Variants in RPS3 observed in about 807,000 individuals in gnomAD.
RPS3 encodes the protein small ribosomal subunit protein uS3.
RPS3 carries 2 observed loss-of-function variants against 25.8 expected under a neutral mutation model. The observed-to-expected ratio is 0.08, with a 90% CI of 0.03 to 0.24. The LOEUF (loss-of-function observed/expected upper bound fraction) is 0.24. Ranked by LOEUF, RPS3 falls within the 10% of genes least tolerant of loss-of-function variation. The pLI, the probability that RPS3 is intolerant of heterozygous loss-of-function variation, is 1.00. For synonymous variants in RPS3, 114 were observed against 114.2 expected, an observed-to-expected ratio of 1.00 and a Z score of 0.01; for missense variants, 107 against 307.1, an observed-to-expected ratio of 0.35 and a Z score of 4.87.
At chr11:75,414,621 TTAAAA>T (rs1278972446) in intron 6 of RPS3, among the ~76,000 whole-genome samples, 7 of 150,588 alleles carry the variant, frequency 4.6e-5, no homozygotes, top group Admixed American at 6.6e-5. Flanking sequence ...AAAAAAAAAA[TTAAAA>T]TAAATAAAAA....
At chr11:75,413,628 G>A (rs918457107) in intron 6 of RPS3, among the ~76,000 whole-genome samples, 7 of 152,132 alleles carry the variant, frequency 4.6e-5, no homozygotes, top group African/African-American at 1.7e-4. Flanking sequence ...TCTTTTCCCA[G>A]ATGCTATTAC....
At chr11:75,400,885 AT>A (rs1592020476) in intron 2 of RPS3, 61 bp downstream of exon 2, 2 of 1,547,138 alleles carry the variant, frequency 1.3e-6, no homozygotes, top group East Asian at 4.7e-5. Flanking sequence ...TGGTTTATTT[AT>A]TTATTTATTT....
chr11:75,409,918 G>GGGGC (rs1310449513), downstream of RPS3, among the ~76,000 whole-genome samples: 5 of 146,300 alleles, frequency 3.4e-5, no homozygotes, highest in Non-Finnish European at 7.6e-5. Flanking sequence ...CCTCCCGGAC[G>GGGGC]GGGCGGCCGG....
At position 75,402,164 on chromosome 11, in the gene RPS3, T is replaced by C; in HGVS notation, c.256-188T>C. The C allele has an allele frequency of 2.6e-6, 2 of 779,918 alleles. 1 individual carries two copies. The highest frequency in any genetic ancestry group is 3.5e-5 in the South Asian group (2 of 57,008). 48.3% of individuals were successfully genotyped at this position (779,918 alleles called of 1,614,324 possible). ...ATGTCTTGGGCCACACTACTACTGG[T>C]AGCGCAAAAAATCACGATGTTGAAT... is the stretch of plus-strand genomic sequence containing the variant. On this transcript the variant is annotated intron_variant, in intron 3 of 6. Transcript: ENST00000531188.
chr11:75,414,773 A>C (rs749464988), intron 6 of RPS3, among the ~76,000 whole-genome samples: 6 of 152,178 alleles, frequency 3.9e-5, no homozygotes, highest in Non-Finnish European at 7.3e-5. Context: ...TAGTAATGTG[A>C]GCTCTTGGGG....
chr11:75,422,300 A>C (rs917329303), downstream of RPS3: 1 of 340,238 alleles, frequency 2.9e-6, no homozygotes, highest in African/African-American at 2.1e-5. Context: ...TGTTGTCTAT[A>C]AATCACCCAG....
At chr11:75,412,244 G>A (rs1336793054) in intron 6 of RPS3, among the ~76,000 whole-genome samples, 1 of 152,112 alleles carries the variant, frequency 6.6e-6, no homozygotes, top group Non-Finnish European at 1.5e-5. Context: ...ACTGATTTAT[G>A]TCCCCCCAAA....
In RPS3 at chr11:75,419,516, T is replaced by TG. The variant is rs1255317024; in HGVS notation, c.*4-2210dup. Among the ~76,000 whole-genome samples the TG allele has an allele frequency of 8.6e-5, 13 of 150,402 alleles. No homozygotes were observed. In the South Asian group the frequency reaches 2.3e-3, roughly 27 times the overall value. Reference sequence around the variant, plus strand: ...TTGCAGTGAGCTGAAATTGTGCCACTGCACTCCAGCCTGGGCAACAGAGTG... The same window carrying TG: ...TTGCAGTGAGCTGAAATTGTGCCACTGGCACTCCAGCCTGGGCAACAGAGTG... On this transcript the variant is annotated intron_variant, in intron 6 of 6. Coordinates refer to the RPS3 transcript ENST00000527446.
chr11:75,422,125 A>G (rs1948452802), exon 7 of RPS3: 2 of 156,426 alleles, frequency 1.3e-5, no homozygotes, highest in Admixed American at 6.2e-5. Flanking sequence ...ATGAGATTAG[A>G]GCCTTATAGG....
intron 3 of RPS3, chr11:75,401,960 T>G (rs988308478): frequency 1.8e-6 from 1 of 569,142 alleles, no homozygotes; most frequent in Non-Finnish European, 3.1e-6. Flanking sequence ...ATATGATGGA[T>G]TAACTGTCCC....
downstream of RPS3, among the ~76,000 whole-genome samples, chr11:75,408,286 T>C (rs968790328): frequency 6.6e-6 from 1 of 152,138 alleles, no homozygotes; most frequent in Admixed American, 6.5e-5. Flanking sequence ...GTGGATCACT[T>C]GAGCCCAGAA....
intron 6 of RPS3, among the ~76,000 whole-genome samples, chr11:75,419,045 G>A (rs1166154965): frequency 6.6e-6 from 1 of 152,158 alleles, no homozygotes; most frequent in Non-Finnish European, 1.5e-5. Flanking sequence ...GGGAAGCATA[G>A]CACAGCAATA....
chr11:75,401,900 T>C (rs1157969541), intron 3 of RPS3, 167 bp downstream of exon 3: 4 of 597,184 alleles, frequency 6.7e-6, no homozygotes, highest in Non-Finnish European at 9.0e-6. Flanking sequence ...ATTCTGCTAA[T>C]GGCTGATGGT....
chr11:75,417,706 T>C (rs1948411070), intron 6 of RPS3, among the ~76,000 whole-genome samples: 2 of 152,162 alleles, frequency 1.3e-5, no homozygotes, highest in Admixed American at 6.5e-5. Context: ...GTAAGAAACA[T>C]TGGCTGGTCT....
chr11:75,400,490 G>A, intron 1 of RPS3: 1 of 727,060 alleles, frequency 1.4e-6, no homozygotes, highest in Non-Finnish European at 2.4e-6. Flanking sequence ...AAAGAGCCCT[G>A]GTTGAAGTAA....
intron 6 of RPS3, among the ~76,000 whole-genome samples, chr11:75,415,467 G>A (rs1282780201): frequency 6.6e-6 from 1 of 152,164 alleles, no homozygotes; most frequent in African/African-American, 2.4e-5. Flanking sequence ...GAGGCCAGAA[G>A]TTCGACAACA....
intron 4 of RPS3, 169 bp downstream of exon 4, chr11:75,402,615 GACT>G (rs1429525892): frequency 1.6e-6 from 1 of 617,124 alleles, no homozygotes; most frequent in Admixed American, 3.2e-5. Flanking sequence ...AGGCTAACAA[GACT>G]ACTAAAGCAG....
chr11:75,405,589 A>T (rs768536181), intron 6 of RPS3, 25 bp from the exon 7 acceptor site: 12 of 454,902 alleles, frequency 2.6e-5, no homozygotes, highest in Non-Finnish European at 4.8e-5. Flanking sequence ...AAAGTTTCTT[A>T]CTTTTGTGCT....
rs1342202127 is a variant in RPS3, at chr11:75,405,607, G to A, written c.*4-7G>A. The A allele has an allele frequency of 2.2e-6, 1 of 455,666 alleles. No individual in the cohort carries two copies. Among genetic ancestry groups the A allele is most frequent in the Non-Finnish European group, 4.4e-6 (1 of 226,922 alleles). The allele number at this position is 455,666 out of a possible 1,614,324, so 28.2% of individuals were successfully genotyped here. On this transcript the variant is annotated splice_polypyrimidine_tract_variant and splice_region_variant and intron_variant, in intron 6 of 6. Coordinates refer to ENST00000531188, the MANE Select transcript of RPS3 (RefSeq NM_001005.5). ...GTTTCTTACTTTTGTGCTTTATTTG[G>A]TTTCAGGGTCTCCTTGGCAGCTGTA...
Sources: allele counts gnomAD v4.1 joint callset (sites outside exome capture counted in the v4.1 genomes callset), GRCh38; gene constraint gnomAD v4.1.1; transcripts MANE v1.5; gene names NCBI Gene and HGNC (gene_info 2026-07-23, HGNC 2026-07-21).